Variants in WWOX observed in about 807,000 individuals in gnomAD.
WWOX encodes WW domain-containing oxidoreductase.
WWOX carries 69 observed loss-of-function variants against 46.2 expected under a neutral mutation model. That is an observed-to-expected ratio of 1.49 (90% CI 1.23 to 1.82). The LOEUF is 1.82. Among genes scored for constraint, WWOX ranks in the 40% most tolerant of loss-of-function variants. The pLI is 0.00. For missense variants in WWOX, 919 were observed against 542.6 expected, an observed-to-expected ratio of 1.69 and a Z score of -6.89; for synonymous variants, 359 against 202.6, an observed-to-expected ratio of 1.77 and a Z score of -6.56.
At chr16:79,182,406 C>T (rs1192461176) in intron 8 of WWOX, among the ~76,000 whole-genome samples, 3 of 152,076 alleles carry the variant, frequency 2.0e-5, no homozygotes, top group South Asian at 4.1e-4. Flanking sequence ...TATATTTTTC[C>T]TTATCCCGTT....
chr16:78,512,067 C>T (rs111888344), intron 8 of WWOX, among the ~76,000 whole-genome samples: 14 of 152,272 alleles, frequency 9.2e-5, no homozygotes, highest in African/African-American at 3.4e-4. Context: ...CAAGTTATTC[C>T]ATCCAAGATT....
chr16:78,422,660 C>CATATATATATATATATATATATATAT (rs1388283094), intron 6 of WWOX, among the ~76,000 whole-genome samples: 1 of 6,526 alleles, frequency 1.5e-4, no homozygotes, highest in Non-Finnish European at 5.8e-4. Context: ...GTTTTTTTTA[C>CATATATATATATATATATATATATAT]ATGTATATAT....
At position 78,432,656 on chromosome 16, in the gene WWOX, A is replaced by G; in HGVS notation, c.960A>G (p.Ala320=). Residue 320 remains alanine, a synonymous_variant, in exon 8 of 9, where the codon GCA becomes GCG. Transcript: ENST00000566780. The part of the protein sequence containing the change: ...RLSPRGVTSN[A]VHPGNMMYSN... ...CCCCACGCGGGGTCACGTCGAACGC[A>G]GTGCATCCTGGAAATATGATGTACT... The G allele has an allele frequency of 6.2e-7, 1 of 1,614,212 alleles. No individual in the cohort carries two copies. Among genetic ancestry groups the G allele is most frequent in the Non-Finnish European group, 8.5e-7 (1 of 1,180,034 alleles).
chr16:78,971,475 G>C lies in WWOX; in HGVS notation c.1057-240133G>C, dbSNP rs536355889. Among the ~76,000 whole-genome samples the C allele has an allele frequency of 2.1e-3, 273 of 128,724 alleles. 1 individual carries two copies. Among genetic ancestry groups the C allele is most frequent in the Non-Finnish European group, 3.6e-3 (223 of 61,466 alleles). The allele number at this position is 128,724 out of a possible 152,430, so 84.4% of individuals were successfully genotyped here. On this transcript the variant is annotated intron_variant, in intron 8 of 8. Coordinates refer to ENST00000566780, the MANE Select transcript of WWOX (RefSeq NM_016373.4). The stretch of plus-strand genomic sequence containing the variant: ...AAAAAAAAAAAAAAAAAAAAAAAAA[G>C]AGAGAGATAGGCTGTTTAACAGGTG...
chr16:78,910,998 TG>T (rs1486403622), intron 8 of WWOX, among the ~76,000 whole-genome samples: 1 of 152,090 alleles, frequency 6.6e-6, no homozygotes, highest in Non-Finnish European at 1.5e-5. Context: ...GTGCAATTTT[TG>T]TCAATTAAAA....
chr16:79,095,998 C>CG (rs1336831166), intron 8 of WWOX, among the ~76,000 whole-genome samples: 3 of 147,078 alleles, frequency 2.0e-5, no homozygotes, highest in African/African-American at 7.6e-5. Flanking sequence ...TACAGGCATG[C>CG]GCTGCCACAC....
chr16:78,324,993 A>T (rs1477129748), intron 5 of WWOX, among the ~76,000 whole-genome samples: 1 of 152,106 alleles, frequency 6.6e-6, no homozygotes, highest in Non-Finnish European at 1.5e-5. Flanking sequence ...AGAGAAAACC[A>T]CTCAGGGCCC....
chr16:78,721,338 C>G (rs1318889600), intron 8 of WWOX, among the ~76,000 whole-genome samples: 2 of 152,150 alleles, frequency 1.3e-5, no homozygotes, highest in Non-Finnish European at 2.9e-5. Flanking sequence ...TATCATAATA[C>G]CATTTACATT....
At chr16:78,917,104 C>G (rs576390038) in intron 8 of WWOX, among the ~76,000 whole-genome samples, 2 of 152,312 alleles carry the variant, frequency 1.3e-5, no homozygotes, top group African/African-American at 4.8e-5. Flanking sequence ...CAGACTTGCT[C>G]TTTTCCTGGA....
chr16:79,044,488 C>G (rs979883425), intron 8 of WWOX, among the ~76,000 whole-genome samples: 1 of 152,108 alleles, frequency 6.6e-6, no homozygotes. Flanking sequence ...CACAGCCCCC[C>G]ACCCTGTCTC....
chr16:78,275,955 G>A (rs1484932331), intron 5 of WWOX, among the ~76,000 whole-genome samples: 1 of 151,978 alleles, frequency 6.6e-6, no homozygotes, highest in Non-Finnish European at 1.5e-5. Context: ...CCTCTAATCT[G>A]CTGCCCAGCA....
At chr16:78,286,795 A>G (rs2079775109) in intron 5 of WWOX, among the ~76,000 whole-genome samples, 1 of 141,364 alleles carries the variant, frequency 7.1e-6, no homozygotes, top group Admixed American at 7.4e-5. Context: ...CTATATGAGT[A>G]TCATAGAAAA....
intron 8 of WWOX, among the ~76,000 whole-genome samples, chr16:78,807,522 A>G (rs1003562677): frequency 6.6e-5 from 10 of 152,260 alleles, no homozygotes; most frequent in Admixed American, 3.3e-4. Flanking sequence ...TTTTGCTTCT[A>G]CATGGATTCT....
chr16:78,238,676 G>T (rs1418361200), intron 5 of WWOX, among the ~76,000 whole-genome samples: 2 of 152,100 alleles, frequency 1.3e-5, no homozygotes, highest in African/African-American at 2.4e-5. Context: ...CTGGAGTGCA[G>T]TGGTGTGATC....
chr16:78,325,019 A>C (rs1018051134), intron 5 of WWOX, among the ~76,000 whole-genome samples: 3 of 152,210 alleles, frequency 2.0e-5, no homozygotes, highest in Non-Finnish European at 4.4e-5. Context: ...GCTCATGGGC[A>C]CAAAAACCCA....
intron 5 of WWOX, among the ~76,000 whole-genome samples, chr16:78,192,491 C>CAG (rs2035913886): frequency 1.1e-5 from 1 of 87,520 alleles, no homozygotes; most frequent in Non-Finnish European, 2.2e-5. Flanking sequence ...GACTCCGTCT[C>CAG]AAAAAAAAAA....
intron 8 of WWOX, among the ~76,000 whole-genome samples, chr16:78,792,780 A>G (rs1039739907): frequency 6.6e-6 from 1 of 152,162 alleles, no homozygotes; most frequent in Non-Finnish European, 1.5e-5. Context: ...GGGAAAGCCA[A>G]GGAAGGCCAG....
intron 8 of WWOX, among the ~76,000 whole-genome samples, chr16:78,818,292 T>G (rs1022573109): frequency 6.6e-6 from 1 of 152,166 alleles, no homozygotes; most frequent in African/African-American, 2.4e-5. Flanking sequence ...TGTGGACAAG[T>G]TCCAGCTCCT....
chr16:78,341,521 G>C (rs1256192393), intron 5 of WWOX, among the ~76,000 whole-genome samples: 2 of 119,938 alleles, frequency 1.7e-5, no homozygotes, highest in Non-Finnish European at 4.0e-5. Context: ...AACAATTTGG[G>C]AAAATTTGAG....
Sources: gnomAD v4.1 joint callset for allele counts (sites outside exome capture counted in the v4.1 genomes callset) on GRCh38, gnomAD v4.1.1 for gene constraint, MANE v1.5 for transcripts, NCBI Gene and HGNC (gene_info 2026-07-23, HGNC 2026-07-21) for gene names.